Variants in MAGI2 observed in about 807,000 individuals in gnomAD.
MAGI2 encodes the protein membrane associated guanylate kinase, WW and PDZ domain containing 2.
In MAGI2, 35 loss-of-function variants were observed where a neutral mutation model predicts 133.3. The observed-to-expected ratio is 0.26, with a 90% CI of 0.20 to 0.35. The LOEUF (loss-of-function observed/expected upper bound fraction) is 0.35. MAGI2 is among the 10% of genes least tolerant of loss of function. MAGI2 has a pLI of 1.00. For synonymous variants in MAGI2, 729 were observed against 710.6 expected, an observed-to-expected ratio of 1.03 and a Z score of -0.41; for missense variants, 1,636 against 1,863.4, an observed-to-expected ratio of 0.88 and a Z score of 2.25.
At chr7:78,440,286 T>TAGGA (rs1787484879) in intron 6 of MAGI2, among the ~76,000 whole-genome samples, 2 of 152,154 alleles carry the variant, frequency 1.3e-5, no homozygotes, top group African/African-American at 4.8e-5. Flanking sequence ...TTCCACATTT[T>TAGGA]ACAAACAAGG....
intron 10 of MAGI2, among the ~76,000 whole-genome samples, chr7:78,221,091 T>G (rs1107562): frequency 0.16 from 24,766 of 152,094 alleles, 2,589 homozygotes; most frequent in East Asian, 0.33. Flanking sequence ...GTCATGAATT[T>G]CCTCCTGAGC....
At position 78,486,517 on chromosome 7, in the gene MAGI2, G is replaced by A. The variant is rs370970490; in HGVS notation, c.1045+3244C>T. On this transcript the variant is annotated intron_variant, in intron 6 of 21. Coordinates refer to ENST00000354212, the MANE Select transcript of MAGI2 (RefSeq NM_012301.4). ...TGTTATGTGAAAGTATACAAAACTC[G>A]CCCTGGCCCAAGATGGCAGATGAGG... The A allele has an allele frequency of 4.9e-4, 101 of 207,772 alleles. No homozygotes were observed. The South Asian group carries it at 6.7e-3, about 14-fold the overall frequency. 12.9% of individuals were successfully genotyped at this position (207,772 alleles called of 1,614,324 possible).
chr7:78,977,172 G>C (rs1052689347), intron 2 of MAGI2, among the ~76,000 whole-genome samples: 1 of 151,632 alleles, frequency 6.6e-6, no homozygotes, highest in East Asian at 1.9e-4. Flanking sequence ...AGGACTCATG[G>C]TAGTCAATCT....
At chr7:78,594,399 A>G (rs371661191) in intron 3 of MAGI2, among the ~76,000 whole-genome samples, 31 of 152,306 alleles carry the variant, frequency 2.0e-4, no homozygotes, top group African/African-American at 7.2e-4. Flanking sequence ...GCCCACCAAG[A>G]GTTTTGTCCA....
intron 2 of MAGI2, among the ~76,000 whole-genome samples, chr7:78,900,823 A>C (rs1245421322): frequency 6.6e-6 from 1 of 152,176 alleles, no homozygotes; most frequent in African/African-American, 2.4e-5. Flanking sequence ...CCAGCATATA[A>C]ATATGAATAT....
intron 21 of MAGI2, among the ~76,000 whole-genome samples, chr7:78,033,488 A>G (rs982662413): frequency 2.6e-5 from 4 of 151,438 alleles, no homozygotes; most frequent in Non-Finnish European, 5.9e-5. Flanking sequence ...AAAAAAAAAA[A>G]AAAAGAAAAA....
At chr7:79,117,664 C>A (rs963046388) in intron 1 of MAGI2, among the ~76,000 whole-genome samples, 7 of 152,178 alleles carry the variant, frequency 4.6e-5, no homozygotes, top group African/African-American at 1.7e-4. Context: ...CTACACAATA[C>A]TTTTCCTCTT....
In MAGI2 at chr7:78,255,967, T is replaced by C. The variant is rs760890102; in HGVS notation, c.2023A>G (p.Thr675Ala). ...ILKDCPIGSE[T>A]SLIIHRGGFF... Reference sequence around the variant, plus strand: ...CCTCCTCGATGGATAATCAAAGAAGTTTCACTTCCAATGGGACAGTCCTTA... The same window carrying C: ...CCTCCTCGATGGATAATCAAAGAAGCTTCACTTCCAATGGGACAGTCCTTA... The change falls in exon 10 of 22, where the codon ACT becomes GCT. Residue 675 changes from threonine to alanine, a missense_variant. Thr to Ala is a moderately conservative substitution (Grantham distance 58). Coordinates refer to ENST00000354212, the MANE Select transcript of MAGI2 (RefSeq NM_012301.4). 7 of 1,613,718 alleles carry C rather than the reference T, an allele frequency of 4.3e-6. No homozygotes were observed. The highest frequency in any genetic ancestry group is 5.9e-6 in the Non-Finnish European group (7 of 1,179,948).
intron 2 of MAGI2, among the ~76,000 whole-genome samples, chr7:78,953,301 C>A (rs1562709387): frequency 6.6e-6 from 1 of 152,128 alleles, no homozygotes; most frequent in Non-Finnish European, 1.5e-5. Flanking sequence ...CCCAAGAGGG[C>A]AGTAAAAACT....
intron 6 of MAGI2, among the ~76,000 whole-genome samples, chr7:78,406,536 T>C (rs1053143887): frequency 2.4e-4 from 36 of 152,146 alleles, no homozygotes; most frequent in African/African-American, 8.4e-4. Context: ...TATTTAGTGA[T>C]TTATGAGTTT....
At chr7:79,165,407 C>T (rs1824816693) in intron 1 of MAGI2, among the ~76,000 whole-genome samples, 1 of 151,990 alleles carries the variant, frequency 6.6e-6, no homozygotes, top group Non-Finnish European at 1.5e-5. Flanking sequence ...TAAAAAAACC[C>T]TCTAGTGAAT....
intron 10 of MAGI2, among the ~76,000 whole-genome samples, chr7:78,227,126 G>A (rs926891462): frequency 9.9e-5 from 15 of 152,156 alleles, no homozygotes; most frequent in African/African-American, 3.1e-4. Flanking sequence ...TACAGTTGGT[G>A]TAAAAAGGGC....
chr7:78,971,742 A>G (rs981012356), intron 2 of MAGI2, among the ~76,000 whole-genome samples: 15 of 151,968 alleles, frequency 9.9e-5, no homozygotes, highest in African/African-American at 3.4e-4. Context: ...TTTGCTATTT[A>G]CAAACTGTGT....
intron 2 of MAGI2, among the ~76,000 whole-genome samples, chr7:78,687,707 G>A (rs539944908): frequency 3.4e-4 from 52 of 152,110 alleles, no homozygotes; most frequent in Non-Finnish European, 5.3e-4. Context: ...GGTGGCTCAC[G>A]CCTGTAATCC....
intron 3 of MAGI2, among the ~76,000 whole-genome samples, chr7:78,602,869 T>G (rs994814727): frequency 6.6e-6 from 1 of 152,238 alleles, no homozygotes. Context: ...TATTATTGCA[T>G]AGACTTTGTT....
At chr7:79,263,544 C>A (rs1002266491) in intron 1 of MAGI2, among the ~76,000 whole-genome samples, 9 of 152,110 alleles carry the variant, frequency 5.9e-5, no homozygotes, top group African/African-American at 1.9e-4. Flanking sequence ...ATAACTCCCC[C>A]ATCACCAAAC....
chr7:78,961,402 C>T (rs2115781315), intron 2 of MAGI2, among the ~76,000 whole-genome samples: 1 of 152,248 alleles, frequency 6.6e-6, no homozygotes, highest in African/African-American at 2.4e-5. Context: ...AGAGAAACAA[C>T]TTCTTTTCTA....
intron 1 of MAGI2, among the ~76,000 whole-genome samples, chr7:79,321,722 G>C (rs532766878): frequency 1.3e-5 from 2 of 152,138 alleles, no homozygotes; most frequent in Non-Finnish European, 2.9e-5. Context: ...AGAACAAAGT[G>C]ATATAACTGA....
At chr7:78,221,373 C>T (rs1788812999) in intron 10 of MAGI2, among the ~76,000 whole-genome samples, 1 of 152,150 alleles carries the variant, frequency 6.6e-6, no homozygotes, top group Non-Finnish European at 1.5e-5. Flanking sequence ...ATGTGAAAAC[C>T]ATCAAAGGGT....
Sources: gnomAD v4.1 joint callset for allele counts (sites outside exome capture counted in the v4.1 genomes callset) on GRCh38, gnomAD v4.1.1 for gene constraint, MANE v1.5 for transcripts, NCBI Gene and HGNC (gene_info 2026-07-23, HGNC 2026-07-21) for gene names.